KIRREL3: variants seen among roughly 807,000 people sequenced by gnomAD.
KIRREL3 encodes kirre like nephrin family adhesion molecule 3.
KIRREL3 carries 36 observed loss-of-function variants against 89.7 expected under a neutral mutation model. The ratio of observed to expected loss-of-function variants is 0.40; its 90% CI spans 0.31 to 0.53. The LOEUF is 0.53. Among genes scored for constraint, KIRREL3 ranks in the 20% least tolerant of loss-of-function variants. The pLI is 0.49. For missense variants in KIRREL3, 864 were observed against 1,056.6 expected (o/e 0.82, Z 2.53); for synonymous variants, 445 against 441.4 (o/e 1.01, Z -0.10).
chr11:126,972,179 A>G (rs912201613), intron 1 of KIRREL3, among the ~76,000 whole-genome samples: 6 of 151,278 alleles, frequency 4.0e-5, no homozygotes, highest in Non-Finnish European at 8.9e-5. Flanking sequence ...AGAGAGAGAG[A>G]GAGAGAGAGA....
Position 126,607,498 on chromosome 11 carries a change from G to C in KIRREL3, c.56-44586C>G, listed in dbSNP as rs1325116730. 6.6e-6 allele frequency among the ~76,000 whole-genome samples: 1 copy of C among 152,130 alleles called. No homozygotes were observed. The highest frequency in any genetic ancestry group is 2.4e-5 in the African/African-American group (1 of 41,414). ...GAGGGAGCAGCCTCTCCGCAGGTGG[G>C]GCTGTCCCTCAGGAGCAGGAACTGG... On this transcript the variant is annotated intron_variant, in intron 1 of 16. Transcript: ENST00000525144. This position sits in a 1 kb window ranked among gnomAD's most constrained non-coding sequence, Gnocchi z 6.6.
intron 4 of KIRREL3, among the ~76,000 whole-genome samples, chr11:126,512,293 G>A (rs1000653572): frequency 6.6e-6 from 1 of 152,240 alleles, no homozygotes; most frequent in Admixed American, 6.5e-5. Flanking sequence ...TGGCTCTGAG[G>A]TGTGTGTGTT....
chr11:126,424,440 A>C lies in KIRREL3; in HGVS notation c.*140T>G, dbSNP rs925938165. On this transcript the variant is annotated 3_prime_UTR_variant, in exon 17 of 17. Transcript: ENST00000525144. ...TTGTGCTTGATCAGAGCTTCGAAGG[A>C]AGGCAGTGGCAGAGGCGCTGGGAGG... The C allele has an allele frequency of 1.7e-6, 1 of 605,844 alleles. No homozygotes were observed. Among genetic ancestry groups the C allele is most frequent in the Non-Finnish European group, 2.7e-6 (1 of 371,860 alleles). 37.5% of individuals were successfully genotyped at this position (605,844 alleles called of 1,614,324 possible).
intron 1 of KIRREL3, among the ~76,000 whole-genome samples, chr11:126,874,389 C>T (rs995877725): frequency 6.6e-6 from 1 of 152,206 alleles, no homozygotes; most frequent in Non-Finnish European, 1.5e-5. Context: ...CAACAAGAGG[C>T]ATCTCTTATT....
Position 126,436,988 on chromosome 11 carries a change from C to T in KIRREL3, c.1375G>A (p.Val459Ile), listed in dbSNP as rs768194191. Residue 459 changes from valine to isoleucine, a missense_variant, in exon 12 of 17, where the codon GTT (valine) becomes ATT (isoleucine). Physicochemically the swap from Val to Ile is conservative, Grantham distance 29. Coordinates refer to ENST00000525144, the MANE Select transcript of KIRREL3 (RefSeq NM_032531.4). ...CGCCCCGATGTGCCCGACTCCAGAA[C>T]GTTCTCCTTCCAGGACCAGGCCTGC... ...DRIAWSWKEN[V>I]LESGTSGRYT... The T allele has an allele frequency of 1.9e-5, 29 of 1,560,978 alleles. No homozygotes were observed. The highest frequency in any genetic ancestry group is 2.4e-5 in the South Asian group (2 of 85,094).
intron 1 of KIRREL3, among the ~76,000 whole-genome samples, chr11:126,765,798 G>T (rs2134281591): frequency 6.6e-6 from 1 of 152,252 alleles, no homozygotes; most frequent in African/African-American, 2.4e-5. Context: ...CAGCCTAGCT[G>T]AAAAGTGAAG....
In KIRREL3 at chr11:126,704,435, C is replaced by T. The variant is rs1947434649; in HGVS notation, c.56-141523G>A. ...TTGCAAAAGACTGCAGCAACCAGCC[C>T]CAGCTGGCTGTAGGGGCTCACAGTC... On this transcript the variant is annotated intron_variant, in intron 1 of 16. Transcript: ENST00000525144. This position sits in a 1 kb window ranked among gnomAD's most constrained non-coding sequence, Gnocchi z 4.2. Among the ~76,000 whole-genome samples the T allele has an allele frequency of 6.6e-6, 1 of 152,166 alleles. No homozygotes were observed. The highest frequency in any genetic ancestry group is 6.5e-5 in the Admixed American group (1 of 15,284).
In KIRREL3 at chr11:126,750,909, A is replaced by G. The variant is rs868296649; in HGVS notation, c.56-187997T>C. On this transcript the variant is annotated intron_variant, in intron 1 of 16. Transcript: ENST00000525144. The surrounding 1 kb of genome is among the most constrained non-coding windows in gnomAD (Gnocchi z 4.2). ...TAGGGATGGCTTTGATTTGCAGGGC[A>G]CCTCTCCCTAAGGTGCTAAACACAT... Among the ~76,000 whole-genome samples the G allele has an allele frequency of 2.0e-5, 3 of 152,144 alleles. No homozygotes were observed. Among genetic ancestry groups the G allele is most frequent in the Admixed American group, 6.5e-5 (1 of 15,274 alleles).
chr11:126,838,604 T>C (rs1052691614), intron 1 of KIRREL3, among the ~76,000 whole-genome samples: 2 of 152,236 alleles, frequency 1.3e-5, no homozygotes, highest in African/African-American at 2.4e-5. Context: ...CCTGAGTCCA[T>C]ATTCAGCATG....
rs1950228629 is a variant in KIRREL3, at chr11:126,778,305, CA to C, written c.56-215394del. 6.6e-6 allele frequency among the ~76,000 whole-genome samples: 1 copy of C among 152,112 alleles called. No individual in the cohort carries two copies. ...TTTGGAAACTAGTGCAAGAGGAGGC[CA>C]GGGGATTTGTCTTGAAGTTGTGTTT... On this transcript the variant is annotated intron_variant, in intron 1 of 16. Transcript: ENST00000525144. This position sits in a 1 kb window ranked among gnomAD's most constrained non-coding sequence, Gnocchi z 4.5.
chr11:126,460,150 G>C (rs1956496646), intron 6 of KIRREL3, among the ~76,000 whole-genome samples: 1 of 152,184 alleles, frequency 6.6e-6, no homozygotes, highest in Non-Finnish European at 1.5e-5. Context: ...TGGAGAACGT[G>C]TGCTTTGCTT....
intron 1 of KIRREL3, among the ~76,000 whole-genome samples, chr11:126,901,652 T>G (rs1435324371): frequency 6.6e-6 from 1 of 152,206 alleles, no homozygotes; most frequent in Non-Finnish European, 1.5e-5. Context: ...ACAACTTGGA[T>G]GTCTAAAGCC....
rs954981915 is a variant in KIRREL3, at chr11:126,904,321, C to A, written c.55+96134G>T. 1.3e-5 allele frequency among the ~76,000 whole-genome samples: 2 copies of A among 152,094 alleles called. No homozygotes were observed. On this transcript the variant is annotated intron_variant, in intron 1 of 16. Transcript: ENST00000525144. The surrounding 1 kb of genome is among the most constrained non-coding windows in gnomAD (Gnocchi z 4.4). ...AATGTCTGTATTTTATGGCCCGAAGCCCCCAAACTCATGATTATTTGCTAT... is the reference window on the plus strand; with the variant it reads ...AATGTCTGTATTTTATGGCCCGAAGACCCCAAACTCATGATTATTTGCTAT...
intron 10 of KIRREL3, 125 bp from the exon 11 acceptor site, chr11:126,440,674 A>T: frequency 1.2e-6 from 1 of 869,384 alleles, no homozygotes; most frequent in Non-Finnish European, 1.9e-6. Flanking sequence ...GAAGGCCTGT[A>T]TGTGCAAGGT....
rs1223055960 is a variant in KIRREL3, at chr11:126,703,234, T to G, written c.56-140322A>C. ...ACCTACTTCACAGGCTGGGCTGCCA[T>G]GAGCGGCTGCTGCAGGCTGTGCACT... On this transcript the variant is annotated intron_variant, in intron 1 of 16. Transcript: ENST00000525144. This position sits in a 1 kb window ranked among gnomAD's most constrained non-coding sequence, Gnocchi z 4.6. 6.6e-6 allele frequency among the ~76,000 whole-genome samples: 1 copy of G among 152,232 alleles called. No homozygotes were observed. Among genetic ancestry groups the G allele is most frequent in the Non-Finnish European group, 1.5e-5 (1 of 68,030 alleles).
At position 126,492,256 on chromosome 11, in the gene KIRREL3, T is replaced by G. The variant is rs1289874889; in HGVS notation, c.434-18790A>C. Among the ~76,000 whole-genome samples the G allele has an allele frequency of 2.0e-5, 3 of 152,146 alleles. No homozygotes were observed. The highest frequency in any genetic ancestry group is 4.4e-5 in the Non-Finnish European group (3 of 68,034). ...GGTTAGACATCTGGAAGAACTGTTG[T>G]TGGAGACACAGCTGGGGAAGGGAGG... On this transcript the variant is annotated intron_variant, in intron 4 of 16. Transcript: ENST00000525144. This position sits in a 1 kb window ranked among gnomAD's most constrained non-coding sequence, Gnocchi z 4.8.
rs1472621210 is a variant in KIRREL3, at chr11:126,455,820, A to T, written c.848+529T>A. Among the ~76,000 whole-genome samples, 1 of 151,556 alleles carries T rather than the reference A, an allele frequency of 6.6e-6. No homozygotes were observed. Among genetic ancestry groups the T allele is most frequent in the East Asian group, 2.0e-4 (1 of 5,092 alleles). On this transcript the variant is annotated intron_variant, in intron 7 of 16. Transcript: ENST00000525144. This position sits in a 1 kb window ranked among gnomAD's most constrained non-coding sequence, Gnocchi z 6.4. ...TCAAAACAAACAAAGAAACAAACAAACAAACAAACCAACAAACCAAACAGT... is the reference window on the plus strand; with the variant it reads ...TCAAAACAAACAAAGAAACAAACAATCAAACAAACCAACAAACCAAACAGT...
chr11:126,680,284 G>T (rs1252022403), intron 1 of KIRREL3, among the ~76,000 whole-genome samples: 1 of 151,778 alleles, frequency 6.6e-6, no homozygotes, highest in Non-Finnish European at 1.5e-5. Flanking sequence ...CAGTGAAAAG[G>T]CAAAAAATAG....
Position 126,867,045 on chromosome 11 carries a change from C to G in KIRREL3, c.55+133410G>C, listed in dbSNP as rs549822216. Among the ~76,000 whole-genome samples the G allele has an allele frequency of 6.6e-6, 1 of 152,222 alleles. No individual in the cohort carries two copies. The highest frequency in any genetic ancestry group is 1.5e-5 in the Non-Finnish European group (1 of 68,038). ...TGAGCTGGTTAACACAAGCTGCCAA[C>G]GGACAGCTAAACTGAAAGAGCACAC... is the stretch of plus-strand genomic sequence containing the variant. On this transcript the variant is annotated intron_variant, in intron 1 of 16. Transcript: ENST00000525144. The surrounding 1 kb of genome is among the most constrained non-coding windows in gnomAD (Gnocchi z 4.7).
Sources: gnomAD v4.1 joint callset for allele counts (sites outside exome capture counted in the v4.1 genomes callset) on GRCh38, gnomAD v4.1.1 for gene constraint, Gnocchi (gnomAD v3.1) non-coding constraint, MANE v1.5 for transcripts, NCBI Gene and HGNC (gene_info 2026-07-23, HGNC 2026-07-21) for gene names.